Variants in RCAN2 observed in about 807,000 individuals in gnomAD.
RCAN2 encodes the protein calcipressin-2.
A neutral mutation model predicts 23.6 loss-of-function variants in RCAN2; 9 were observed. The ratio of observed to expected loss-of-function variants is 0.38; its 90% CI spans 0.23 to 0.67. The LOEUF (loss-of-function observed/expected upper bound fraction) is 0.67. RCAN2 is among the 30% of genes least tolerant of loss of function. The probability of loss-of-function intolerance (pLI) is 0.51; values close to 1 mark genes in which losing one functional copy is unlikely to be tolerated. For missense variants in RCAN2, 273 were observed against 302.3 expected, an observed-to-expected ratio of 0.90 and a Z score of 0.72; for synonymous variants, 109 against 115.7, an observed-to-expected ratio of 0.94 and a Z score of 0.37.
chr6:46,251,854 A>T (rs1766736499), intron 2 of RCAN2, among the ~76,000 whole-genome samples: 1 of 152,126 alleles, frequency 6.6e-6, no homozygotes, highest in African/African-American at 2.4e-5. Flanking sequence ...GTTGACGTGA[A>T]ACTCTTTGAT....
Position 46,246,753 on chromosome 6 carries a change from C to T in RCAN2, c.566G>A (p.Gly189Glu). ...AAATGGACCGCAAAGCTTACCTGGT[C>T]CTAGTTTGGCCACAGCATAGAGGAG... ...YDLLYAVAKL[G>E]PGEKYELHAG... is the part of the protein sequence containing the mutation. The change falls in exon 4 of 5, where the codon GGA becomes GAA. Residue 189 changes from glycine (G) to glutamate (E), a missense_variant. Gly to Glu is a moderately conservative substitution (Grantham distance 98). Transcript: ENST00000371374. 6.2e-7 allele frequency: 1 copy of T among 1,612,628 alleles called. No individual in the cohort carries two copies. The highest frequency in any genetic ancestry group is 8.5e-7 in the Non-Finnish European group (1 of 1,179,280).
At chr6:46,307,309 G>A (rs193230901) in intron 2 of RCAN2, among the ~76,000 whole-genome samples, 239 of 152,146 alleles carry the variant, frequency 1.6e-3, no homozygotes, top group African/African-American at 5.4e-3. Flanking sequence ...AGACAAACAC[G>A]TCATTAAGGA....
chr6:46,373,236 C>T (rs955803130), intron 2 of RCAN2, among the ~76,000 whole-genome samples: 2 of 152,018 alleles, frequency 1.3e-5, no homozygotes, highest in African/African-American at 4.8e-5. Flanking sequence ...TGAGAATCTC[C>T]TTCTTTTATT....
chr6:46,423,475 C>G (rs1382433198), intron 2 of RCAN2, among the ~76,000 whole-genome samples: 1 of 152,192 alleles, frequency 6.6e-6, no homozygotes, highest in East Asian at 1.9e-4. Flanking sequence ...TGATTCTTAT[C>G]CACAACTCTG....
In RCAN2 at chr6:46,384,816, T is replaced by C. The variant is rs145863193; in HGVS notation, c.225+71936A>G. On this transcript the variant is annotated intron_variant, in intron 2 of 4. Transcript: ENST00000371374. The stretch of plus-strand genomic sequence containing the variant: ...GATACAAGGGACTTTTCTGGAGAAA[T>C]GGAAATGTTCTCTATGGCGAAAGGA... Among the ~76,000 whole-genome samples the C allele has an allele frequency of 4.4e-3, 670 of 152,152 alleles. 8 individuals are homozygous for C. The highest frequency in any genetic ancestry group is 2.7e-3 in the Non-Finnish European group (183 of 68,008).
intron 2 of RCAN2, among the ~76,000 whole-genome samples, chr6:46,446,899 C>A (rs776982674): frequency 6.6e-6 from 1 of 152,096 alleles, no homozygotes. Flanking sequence ...ATTACAATTT[C>A]TCTCACAGTA....
chr6:46,380,285 TATAA>T (rs1177168018), intron 2 of RCAN2, among the ~76,000 whole-genome samples: 1 of 152,202 alleles, frequency 6.6e-6, no homozygotes, highest in Non-Finnish European at 1.5e-5. Context: ...GGATAAAGAC[TATAA>T]ATAGTCTCAC....
intron 2 of RCAN2, among the ~76,000 whole-genome samples, chr6:46,265,100 A>G (rs989254756): frequency 6.6e-6 from 1 of 152,124 alleles, no homozygotes; most frequent in South Asian, 2.1e-4. Flanking sequence ...AGTTTTTCTC[A>G]TGCATATCTC....
intron 2 of RCAN2, among the ~76,000 whole-genome samples, chr6:46,273,410 A>G (rs1249696103): frequency 2.0e-5 from 3 of 152,188 alleles, no homozygotes; most frequent in Non-Finnish European, 2.9e-5. Context: ...TTGCTTTCAC[A>G]TGTGTTGTCT....
At chr6:46,462,621 GA>G (rs1280724545) in intron 1 of RCAN2, among the ~76,000 whole-genome samples, 2 of 150,954 alleles carry the variant, frequency 1.3e-5, no homozygotes, top group African/African-American at 2.5e-5. Flanking sequence ...ATGAATAAGT[GA>G]AAAAATTTCT....
intron 4 of RCAN2, among the ~76,000 whole-genome samples, chr6:46,237,354 C>T (rs9463189): frequency 0.69 from 105,187 of 152,158 alleles, 38,028 homozygotes; most frequent in Non-Finnish European, 0.8. Flanking sequence ...CTGAGTTAAT[C>T]TGCATCTCTT....
chr6:46,229,502 G>A lies in RCAN2; in HGVS notation c.572-6201C>T, dbSNP rs56793406. On this transcript the variant is annotated intron_variant, in intron 4 of 4. Coordinates refer to ENST00000371374, the MANE Select transcript of RCAN2 (RefSeq NM_001251974.2). ...CTTTTTTCTCTAAACTTCTCTTCTC[G>A]CTTCATTTCATTCATTTGATCTTCA... 5.0e-3 allele frequency among the ~76,000 whole-genome samples: 757 copies of A among 151,902 alleles called. 4 individuals are homozygous for A. Among genetic ancestry groups the A allele is most frequent in the African/African-American group, 0.016 (670 of 41,412 alleles).
chr6:46,399,055 C>T (rs1766173436), intron 2 of RCAN2, among the ~76,000 whole-genome samples: 1 of 151,958 alleles, frequency 6.6e-6, no homozygotes, highest in Non-Finnish European at 1.5e-5. Context: ...TTTTCCTTTT[C>T]AGACTGCACA....
At chr6:46,251,579 G>A (rs1386969759) in intron 2 of RCAN2, among the ~76,000 whole-genome samples, 2 of 152,022 alleles carry the variant, frequency 1.3e-5, no homozygotes, top group South Asian at 2.1e-4. Context: ...TTTTGAAAGC[G>A]AGGTGCTTTT....
At chr6:46,323,386 A>G (rs1356193196) in intron 2 of RCAN2, among the ~76,000 whole-genome samples, 3 of 120,124 alleles carry the variant, frequency 2.5e-5, no homozygotes, top group African/African-American at 5.3e-5. Context: ...TAACCTTTCT[A>G]AAAAAAAAAA....
intron 2 of RCAN2, among the ~76,000 whole-genome samples, chr6:46,395,971 C>T (rs1261488313): frequency 1.3e-5 from 2 of 152,108 alleles, no homozygotes; most frequent in Non-Finnish European, 2.9e-5. Context: ...GTTTCACAAC[C>T]CTGCACGTCA....
chr6:46,262,023 C>T (rs1187213372), intron 2 of RCAN2, among the ~76,000 whole-genome samples: 3 of 152,150 alleles, frequency 2.0e-5, no homozygotes, highest in Non-Finnish European at 4.4e-5. Context: ...TATCTGGTTC[C>T]TTTCTCCTCT....
intron 2 of RCAN2, among the ~76,000 whole-genome samples, chr6:46,393,136 A>G (rs1765981944): frequency 6.6e-6 from 1 of 152,208 alleles, no homozygotes; most frequent in South Asian, 2.1e-4. Flanking sequence ...GAAACAGTCC[A>G]TAGGCTAGAA....
intron 2 of RCAN2, among the ~76,000 whole-genome samples, chr6:46,436,803 C>T (rs1050537451): frequency 1.3e-5 from 2 of 152,186 alleles, no homozygotes; most frequent in Non-Finnish European, 2.9e-5. Context: ...CCCTCTCTCT[C>T]TCAATCACTC....
Sources: gnomAD v4.1 joint callset for allele counts (sites outside exome capture counted in the v4.1 genomes callset) on GRCh38, gnomAD v4.1.1 for gene constraint, MANE v1.5 for transcripts, NCBI Gene and HGNC (gene_info 2026-07-23, HGNC 2026-07-21) for gene names.